The following ANKRD34B variants were observed in gnomAD, a reference collection of about 807,000 sequenced individuals.
ANKRD34B encodes ankyrin repeat domain-containing protein 34B.
Under a neutral mutation model 4.4 loss-of-function variants are expected in ANKRD34B, and 2 were observed. That is an observed-to-expected ratio of 0.46 (90% CI 0.19 to 1.44). ANKRD34B has a LOEUF of 1.44. Among genes scored for constraint, ANKRD34B ranks in the 40% most tolerant of loss-of-function variants. The probability of loss-of-function intolerance (pLI) is 0.26; values close to 1 mark genes in which losing one functional copy is unlikely to be tolerated. For missense variants in ANKRD34B, 558 were observed against 604.7 expected (o/e 0.92, Z 0.81); for synonymous variants, 226 against 227.1 (o/e 0.99, Z 0.05).
rs34992073 is a variant in ANKRD34B, at chr5:80,564,702, C to CTTTTT, written c.-104-892_-104-888dup. 3.1e-3 allele frequency among the ~76,000 whole-genome samples: 347 copies of CTTTTT among 111,394 alleles called. 9 individuals carry two copies. The highest frequency in any genetic ancestry group is 8.4e-3 in the East Asian group (31 of 3,676). 73.1% of individuals were successfully genotyped at this position (111,394 alleles called of 152,430 possible). A position where few individuals can be genotyped will look rare whatever the true frequency, so the allele number is the denominator to read the frequency against. Reference sequence around the variant, plus strand: ...TTAAAGCCACTTTGTTTGCTCACTTCTTTTTTTTTTTTTTTTTTTTGAGAT... The same window carrying CTTTTT: ...TTAAAGCCACTTTGTTTGCTCACTTCTTTTTTTTTTTTTTTTTTTTTTTTTGAGAT... On this transcript the variant is annotated intron_variant, in intron 3 of 4. Transcript: ENST00000338682.
In ANKRD34B at chr5:80,561,791, C is replaced by T. The variant is rs138779176; in HGVS notation, c.-23-1749G>A. On this transcript the variant is annotated intron_variant, in intron 4 of 4. Coordinates refer to ENST00000338682, the MANE Select transcript of ANKRD34B (RefSeq NM_001004441.3). ...ATAGATAATACTCCTTTTGCAAAGA[C>T]CTAGAGGCCTAAAATAGCGGTTATT... 5.9e-5 allele frequency among the ~76,000 whole-genome samples: 9 copies of T among 152,220 alleles called. No individual in the cohort carries two copies. The South Asian group carries it at 1.7e-3, about 28-fold the overall frequency.
rs1164046566 is a variant in ANKRD34B, at chr5:80,558,837, T to C, written c.1183A>G (p.Lys395Glu). Residue 395 changes from lysine to glutamate, a missense_variant, in exon 5 of 5, where the codon AAG becomes GAG. By Grantham distance (56) the Lys-to-Glu change is moderately conservative. Coordinates refer to ENST00000338682, the MANE Select transcript of ANKRD34B (RefSeq NM_001004441.3). Reference protein sequence around the residue: ...EDGKALIGKKKILSPSPSQLS... With the variant: ...EDGKALIGKKEILSPSPSQLS... Reference sequence around the variant, plus strand: ...TGGGAAGGAGATGGTGAGAGGATCTTTTTCTTTCCTATAAGTGCTTTGCCG... The same window carrying C: ...TGGGAAGGAGATGGTGAGAGGATCTCTTTCTTTCCTATAAGTGCTTTGCCG... The C allele has an allele frequency of 5.0e-6, 8 of 1,613,854 alleles. No homozygotes were observed. Among genetic ancestry groups the C allele is most frequent in the African/African-American group, 2.7e-5 (2 of 74,884 alleles).
At chr5:80,568,754 G>C (rs145177811) in intron 2 of ANKRD34B, among the ~76,000 whole-genome samples, 2 of 152,132 alleles carry the variant, frequency 1.3e-5, no homozygotes, top group Admixed American at 6.5e-5. Flanking sequence ...AAGGAGACGC[G>C]TAGCTGGTAA....
Position 80,558,352 on chromosome 5 carries a change from C to T in ANKRD34B, c.*123G>A. 1 of 718,252 alleles carries T rather than the reference C, an allele frequency of 1.4e-6. No individual in the cohort carries two copies. Among genetic ancestry groups the T allele is most frequent in the East Asian group, 2.7e-5 (1 of 36,738 alleles). 44.5% of individuals were successfully genotyped at this position (718,252 alleles called of 1,614,324 possible). On this transcript the variant is annotated 3_prime_UTR_variant, in exon 5 of 5. Coordinates refer to ENST00000338682, the MANE Select transcript of ANKRD34B (RefSeq NM_001004441.3). Reference sequence around the variant, plus strand: ...AGTACAAATCACATTACATTTTAATCCATCTAGCCATTATGGACTAACCAA... The same window carrying T: ...AGTACAAATCACATTACATTTTAATTCATCTAGCCATTATGGACTAACCAA...
chr5:80,565,957 A>G (rs1746551885), intron 3 of ANKRD34B, among the ~76,000 whole-genome samples: 1 of 152,186 alleles, frequency 6.6e-6, no homozygotes, highest in Admixed American at 6.5e-5. Context: ...TTCATTCAAA[A>G]ATTGCAGTGT....
At position 80,558,387 on chromosome 5, in the gene ANKRD34B, T is replaced by G; in HGVS notation, c.*88A>C. The G allele has an allele frequency of 9.1e-7, 1 of 1,099,466 alleles. No homozygotes were observed. The allele number at this position is 1,099,466 out of a possible 1,614,324, so 68.1% of individuals were successfully genotyped here. ...ATTATGGACTAACCAATCACGAGAT[T>G]TAAAAGAATGAACATTTAAGATTTC... On this transcript the variant is annotated 3_prime_UTR_variant, in exon 5 of 5. Transcript: ENST00000338682.
chr5:80,567,661 G>C (rs1255587449), intron 2 of ANKRD34B, among the ~76,000 whole-genome samples: 1 of 106,686 alleles, frequency 9.4e-6, no homozygotes, highest in Non-Finnish European at 2.1e-5. Flanking sequence ...AGAAGGAAAA[G>C]TTATTTTCTT....
rs954511635 is a variant in ANKRD34B, at chr5:80,563,716, A to G, written c.-24+19T>C. On this transcript the variant is annotated intron_variant, in intron 4 of 4. Coordinates refer to ENST00000338682, the MANE Select transcript of ANKRD34B (RefSeq NM_001004441.3). Reference sequence around the variant, plus strand: ...CCCTGTGACATACTCTATAAAGGCTATCTTGGAGCCAGACATACCTGCAAG... The same window carrying G: ...CCCTGTGACATACTCTATAAAGGCTGTCTTGGAGCCAGACATACCTGCAAG... 2 of 152,216 alleles carry G rather than the reference A, an allele frequency of 1.3e-5. No homozygotes were observed. Among genetic ancestry groups the G allele is most frequent in the South Asian group, 2.1e-4 (1 of 4,826 alleles). The allele number at this position is 152,216 out of a possible 1,614,324, so 9.4% of individuals were successfully genotyped here. A position where few individuals can be genotyped will look rare whatever the true frequency, so the allele number is the denominator to read the frequency against.
rs758704189 is a variant in ANKRD34B at position 80,559,054 on chromosome 5, T to A, written c.966A>T (p.Ile322=). Reference sequence around the variant, plus strand: ...CTTCTGAAAGATAAGATTGACAATTTATTTCATCATATGACATCTTCCTTG... The same window carrying A: ...CTTCTGAAAGATAAGATTGACAATTAATTTCATCATATGACATCTTCCTTG... ...ASSRKMSYDE[I]NCQSYLSEGN... The change falls in exon 5 of 5, where the codon ATA becomes ATT. Residue 322 remains isoleucine (I), a synonymous_variant. Coordinates refer to ENST00000338682, the MANE Select transcript of ANKRD34B (RefSeq NM_001004441.3). 6.2e-7 allele frequency: 1 copy of A among 1,614,240 alleles called. No individual in the cohort carries two copies.
At chr5:80,568,911 C>G (rs1290723908) in intron 2 of ANKRD34B, 49 bp downstream of exon 2, 4 of 101,422 alleles carry the variant, frequency 3.9e-5, no homozygotes, top group African/African-American at 1.3e-4. Context: ...CACACACACA[C>G]ACACACACAC....
chr5:80,558,366 T>C lies in ANKRD34B; in HGVS notation c.*109A>G. On this transcript the variant is annotated 3_prime_UTR_variant, in exon 5 of 5. Transcript: ENST00000338682. ...TACATTTTAATCCATCTAGCCATTA[T>C]GGACTAACCAATCACGAGATTTAAA... 1 of 872,656 alleles carries C rather than the reference T, an allele frequency of 1.1e-6. No individual in the cohort carries two copies. The highest frequency in any genetic ancestry group is 1.7e-6 in the Non-Finnish European group (1 of 579,764). 54.1% of individuals were successfully genotyped at this position (872,656 alleles called of 1,614,324 possible). A position where few individuals can be genotyped will look rare whatever the true frequency, so the allele number is the denominator to read the frequency against.
chr5:80,558,182 TC>T lies in ANKRD34B; in HGVS notation c.*292del, dbSNP rs780594000. 2.1e-5 allele frequency: 4 copies of T among 191,426 alleles called. No homozygotes were observed. The highest frequency in any genetic ancestry group is 4.7e-5 in the African/African-American group (2 of 42,898). 11.9% of individuals were successfully genotyped at this position (191,426 alleles called of 1,614,324 possible). A position where few individuals can be genotyped will look rare whatever the true frequency, so the allele number is the denominator to read the frequency against. ...AAAATTACCCCAACATACGTGGCCTTCTTTCTTTGATTTTTTTTTAATGACA... is the reference window on the plus strand; with the variant it reads ...AAAATTACCCCAACATACGTGGCCTTTTTCTTTGATTTTTTTTTAATGACA... On this transcript the variant is annotated 3_prime_UTR_variant, in exon 5 of 5. Transcript: ENST00000338682.
rs1746672017 is a variant in ANKRD34B at position 80,569,008 on chromosome 5, T to G, written c.-239A>C. 6.6e-6 allele frequency: 1 copy of G among 152,092 alleles called. No individual in the cohort carries two copies. The highest frequency in any genetic ancestry group is 1.5e-5 in the Non-Finnish European group (1 of 68,290). 9.4% of individuals were successfully genotyped at this position (152,092 alleles called of 1,614,324 possible). ...CCAAGGTGATGGGATTTCCAAGCTG[T>G]TGAGGATGCTGGCAGCGTCTCCACG... On this transcript the variant is annotated 5_prime_UTR_variant, in exon 2 of 5. Coordinates refer to ENST00000338682, the MANE Select transcript of ANKRD34B (RefSeq NM_001004441.3).
At chr5:80,560,151 A>T in intron 4 of ANKRD34B, 109 bp from the exon 5 acceptor site, 1 of 626,790 alleles carries the variant, frequency 1.6e-6, no homozygotes, top group Non-Finnish European at 2.7e-6. Context: ...CATAAATGGG[A>T]TCATGCTATT....
At chr5:80,562,416 T>C (rs1746430463) in intron 4 of ANKRD34B, among the ~76,000 whole-genome samples, 1 of 152,148 alleles carries the variant, frequency 6.6e-6, no homozygotes, top group East Asian at 1.9e-4. Flanking sequence ...TAGAGGTTTA[T>C]TCTCAGGAAA....
chr5:80,557,849 C>G lies in ANKRD34B; in HGVS notation c.*626G>C, dbSNP rs1268449464. 4.6e-5 allele frequency: 7 copies of G among 152,152 alleles called. No individual in the cohort carries two copies. The highest frequency in any genetic ancestry group is 1.7e-4 in the African/African-American group (7 of 41,446). 9.4% of individuals were successfully genotyped at this position (152,152 alleles called of 1,614,324 possible). A position where few individuals can be genotyped will look rare whatever the true frequency, so the allele number is the denominator to read the frequency against. ...TAGTAGGTTGTAAAACTCTGACTTG[C>G]CAGTTTGACACTAATTAAACTGACA... On this transcript the variant is annotated 3_prime_UTR_variant, in exon 5 of 5. Transcript: ENST00000338682.
Position 80,558,775 on chromosome 5 carries a change from G to T in ANKRD34B, c.1245C>A (p.Pro415=), listed in dbSNP as rs752426285. The change falls in exon 5 of 5, where the codon CCC becomes CCA. Residue 415 remains proline (P), a synonymous_variant. Transcript: ENST00000338682. ...GATTTCTCCTGCTCAGGGGACCTGG[G>T]GGGATATTCTCCAACAATTCTTTGG... ...SESKELLENI[P]PGPLSRRNHA... is the part of the protein sequence containing the mutation. 17 of 1,614,040 alleles carry T rather than the reference G, an allele frequency of 1.1e-5. No individual in the cohort carries two copies. The highest frequency in any genetic ancestry group is 6.7e-5 in the Admixed American group (4 of 60,002).
intron 3 of ANKRD34B, among the ~76,000 whole-genome samples, chr5:80,564,947 T>G (rs1403327549): frequency 2.0e-5 from 3 of 152,164 alleles, no homozygotes; most frequent in Non-Finnish European, 4.4e-5. Flanking sequence ...TCAGGTGATC[T>G]GCCTGCCTCA....
intron 4 of ANKRD34B, among the ~76,000 whole-genome samples, chr5:80,561,179 T>G (rs566981010): frequency 2.0e-5 from 3 of 152,284 alleles, no homozygotes; most frequent in African/African-American, 7.2e-5. Flanking sequence ...TATTTTAGAT[T>G]TAGATTCCTT....
Sources: gnomAD v4.1 joint callset for allele counts (sites outside exome capture counted in the v4.1 genomes callset) on GRCh38, gnomAD v4.1.1 for gene constraint, MANE v1.5 for transcripts, NCBI Gene and HGNC (gene_info 2026-07-23, HGNC 2026-07-21) for gene names.